The following STON2 variants were observed in gnomAD, a reference collection of about 807,000 sequenced individuals.
STON2 encodes the protein stonin 2.
In STON2, 29 loss-of-function variants were observed where a neutral mutation model predicts 65.7. That is an observed-to-expected ratio of 0.44 (90% CI 0.33 to 0.60). The LOEUF (loss-of-function observed/expected upper bound fraction) is 0.60, where lower values mean the gene tolerates loss of function less well. STON2 is among the 20% of genes least tolerant of loss of function. The pLI is 0.03. For synonymous variants in STON2, 404 were observed against 414.2 expected (o/e 0.98, Z 0.30); for missense variants, 1,054 against 1,118.1 (o/e 0.94, Z 0.82).
At chr14:81,298,089 A>G (rs1013474789) in intron 5 of STON2, among the ~76,000 whole-genome samples, 1 of 152,206 alleles carries the variant, frequency 6.6e-6, no homozygotes, top group Non-Finnish European at 1.5e-5. Flanking sequence ...TTAAGTACTG[A>G]GAAAGAGGAG....
intron 4 of STON2, among the ~76,000 whole-genome samples, chr14:81,345,540 T>C (rs780724704): frequency 6.6e-6 from 1 of 152,144 alleles, no homozygotes. Context: ...GGTAGAAGGA[T>C]GGCTGGGGCC....
intron 3 of STON2, among the ~76,000 whole-genome samples, chr14:81,386,946 G>C (rs991310438): frequency 6.6e-6 from 1 of 152,138 alleles, no homozygotes; most frequent in African/African-American, 2.4e-5. Flanking sequence ...GATGATAGAT[G>C]GGCTGACTGC....
intron 2 of STON2, among the ~76,000 whole-genome samples, chr14:81,407,859 C>T (rs189284976): frequency 3.3e-5 from 5 of 152,248 alleles, no homozygotes; most frequent in Admixed American, 1.3e-4. Context: ...CATAGCACAG[C>T]GACACAAGAT....
intron 5 of STON2, among the ~76,000 whole-genome samples, chr14:81,322,927 C>T (rs1014826326): frequency 6.6e-6 from 1 of 152,230 alleles, no homozygotes; most frequent in Non-Finnish European, 1.5e-5. Flanking sequence ...TCAGAGTCAT[C>T]TGGCATAGGT....
At chr14:81,274,519 T>A (rs547256646) in intron 6 of STON2, among the ~76,000 whole-genome samples, 1 of 152,132 alleles carries the variant, frequency 6.6e-6, no homozygotes, top group South Asian at 2.1e-4. Flanking sequence ...TCTCTTCTGG[T>A]AGCAGTCTTT....
chr14:81,396,486 G>A (rs1900329281), intron 2 of STON2, among the ~76,000 whole-genome samples: 1 of 152,244 alleles, frequency 6.6e-6, no homozygotes, highest in Admixed American at 6.5e-5. Context: ...AGTGCTTACA[G>A]AGGTCAAGTA....
At chr14:81,429,808 G>A (rs140129003) in intron 1 of STON2, among the ~76,000 whole-genome samples, 3,173 of 152,036 alleles carry the variant, frequency 0.021, 119 homozygotes, top group East Asian at 0.16. Flanking sequence ...GATGGTGGGC[G>A]CCTGTAATCC....
chr14:81,370,231 T>C (rs1351713430), intron 4 of STON2, among the ~76,000 whole-genome samples: 1 of 152,154 alleles, frequency 6.6e-6, no homozygotes, highest in Non-Finnish European at 1.5e-5. Flanking sequence ...GGTAATTTCA[T>C]CCACAGAGAA....
At chr14:81,270,412 C>T in intron 7 of STON2, 1 of 1,405,614 alleles carries the variant, frequency 7.1e-7, no homozygotes, top group South Asian at 1.7e-5. Context: ...TGTCATTGCT[C>T]ATAATGACAG....
At chr14:81,307,315 T>C (rs1896220336) in intron 5 of STON2, among the ~76,000 whole-genome samples, 1 of 152,246 alleles carries the variant, frequency 6.6e-6, no homozygotes, top group African/African-American at 2.4e-5. Flanking sequence ...CAGCATGAAC[T>C]AAGCAGTAGA....
At chr14:81,296,209 T>C (rs903870483) in intron 5 of STON2, among the ~76,000 whole-genome samples, 2 of 152,208 alleles carry the variant, frequency 1.3e-5, no homozygotes, top group African/African-American at 4.8e-5. Context: ...TTAATTTTAG[T>C]ACATATATGC....
intron 1 of STON2, among the ~76,000 whole-genome samples, chr14:81,428,401 G>A (rs1197135860): frequency 6.6e-6 from 1 of 152,158 alleles, no homozygotes; most frequent in Non-Finnish European, 1.5e-5. Flanking sequence ...ACTTAACCAT[G>A]GCATTATCAT....
At chr14:81,424,265 G>A (rs544035294) in intron 2 of STON2, among the ~76,000 whole-genome samples, 53 of 152,186 alleles carry the variant, frequency 3.5e-4, no homozygotes, top group African/African-American at 1.2e-3. Flanking sequence ...CCAACATGGT[G>A]AAACCCCATC....
chr14:81,343,475 T>A (rs1897694818), intron 4 of STON2, among the ~76,000 whole-genome samples: 1 of 151,948 alleles, frequency 6.6e-6, no homozygotes, highest in Non-Finnish European at 1.5e-5. Flanking sequence ...AAGCTTTTCT[T>A]CCTGATTCCA....
At chr14:81,273,584 G>A (rs1041431055) in intron 6 of STON2, among the ~76,000 whole-genome samples, 2 of 152,166 alleles carry the variant, frequency 1.3e-5, no homozygotes, top group African/African-American at 4.8e-5. Flanking sequence ...GGTCCTTGGA[G>A]AGCTCAGAGA....
intron 4 of STON2, chr14:81,333,227 G>T: frequency 1.1e-6 from 1 of 887,192 alleles, no homozygotes; most frequent in Non-Finnish European, 1.9e-6. Flanking sequence ...ATTTTTGCTA[G>T]TTTTTCCCGA....
intron 5 of STON2, among the ~76,000 whole-genome samples, chr14:81,279,534 C>CA (rs970652987): frequency 3.6e-4 from 55 of 151,964 alleles, no homozygotes; most frequent in African/African-American, 1.2e-3. Flanking sequence ...ACTAAAAATA[C>CA]AAAAAAATTA....
At chr14:81,407,560 A>G (rs1900929663) in intron 2 of STON2, among the ~76,000 whole-genome samples, 1 of 152,226 alleles carries the variant, frequency 6.6e-6, no homozygotes, top group Non-Finnish European at 1.5e-5. Context: ...GAAAATCGCC[A>G]CATCCACTTT....
chr14:81,409,693 T>C (rs1901057113), intron 2 of STON2, among the ~76,000 whole-genome samples: 1 of 152,144 alleles, frequency 6.6e-6, no homozygotes, highest in South Asian at 2.1e-4. Flanking sequence ...TCTCCCAGAA[T>C]TGGGACAGAA....
Sources: gnomAD v4.1 joint callset for allele counts (sites outside exome capture counted in the v4.1 genomes callset) on GRCh38, gnomAD v4.1.1 for gene constraint, MANE v1.5 for transcripts, NCBI Gene and HGNC (gene_info 2026-07-23, HGNC 2026-07-21) for gene names.